Variants in PLA2R1 observed in about 807,000 individuals in gnomAD.
The protein encoded by PLA2R1 is secretory phospholipase A2 receptor.
Under a neutral mutation model 195.9 loss-of-function variants are expected in PLA2R1, and 158 were observed. The ratio of observed to expected loss-of-function variants is 0.81; its 90% CI spans 0.71 to 0.92. The LOEUF (loss-of-function observed/expected upper bound fraction) is 0.92, where lower values mean the gene tolerates loss of function less well. Ranked by LOEUF, PLA2R1 falls within the 40% of genes least tolerant of loss-of-function variation. The probability of loss-of-function intolerance (pLI) is 0.00; values close to 1 mark genes in which losing one functional copy is unlikely to be tolerated. For missense variants in PLA2R1, 1,626 were observed against 1,764.6 expected (o/e 0.92, Z 1.41); for synonymous variants, 586 against 598.2 (o/e 0.98, Z 0.30).
chr2:160,012,255 G>T (rs1249893011), intron 10 of PLA2R1, among the ~76,000 whole-genome samples: 4 of 152,174 alleles, frequency 2.6e-5, no homozygotes, highest in Non-Finnish European at 5.9e-5. Context: ...GTAGTTTCCT[G>T]TGGCACCACT....
intron 3 of PLA2R1, among the ~76,000 whole-genome samples, chr2:160,038,329 T>C (rs1466160638): frequency 6.6e-6 from 1 of 152,200 alleles, no homozygotes; most frequent in Non-Finnish European, 1.5e-5. Context: ...AAAACACAGA[T>C]TGCTGGGCTG....
intron 10 of PLA2R1, 39 bp downstream of exon 10, chr2:160,013,223 TG>T: frequency 1.0e-6 from 1 of 993,654 alleles, no homozygotes; most frequent in Admixed American, 1.7e-5. Context: ...AGTCCTCATG[TG>T]AAAGCCGTCT....
At chr2:160,020,691 T>C (rs542430888) in intron 7 of PLA2R1, among the ~76,000 whole-genome samples, 189 of 152,204 alleles carry the variant, frequency 1.2e-3, no homozygotes, top group Non-Finnish European at 2.3e-3. Flanking sequence ...ACCATGGGAC[T>C]CTGCAGAGAA....
intron 11 of PLA2R1, among the ~76,000 whole-genome samples, chr2:159,994,956 G>A (rs1691109224): frequency 6.6e-6 from 1 of 152,016 alleles, no homozygotes. Context: ...TGTGGGGTGG[G>A]TGAATATTTT....
intron 8 of PLA2R1, among the ~76,000 whole-genome samples, chr2:160,019,469 T>C (rs1490732278): frequency 6.6e-6 from 1 of 152,234 alleles, no homozygotes; most frequent in Non-Finnish European, 1.5e-5. Context: ...CCACTTCTCT[T>C]CACAGTCACT....
At chr2:159,981,216 CGTGT>C (rs3061613) in intron 13 of PLA2R1, among the ~76,000 whole-genome samples, 10,026 of 148,008 alleles carry the variant, frequency 0.068, 359 homozygotes, top group Non-Finnish European at 0.091. Context: ...TATGTGCATA[CGTGT>C]GTGTGTGTGT....
intron 13 of PLA2R1, among the ~76,000 whole-genome samples, chr2:159,980,712 G>A (rs190162523): frequency 2.0e-5 from 3 of 152,136 alleles, no homozygotes; most frequent in East Asian, 3.9e-4. Flanking sequence ...TCAATAAATC[G>A]AGTAATAAAG....
downstream of PLA2R1, among the ~76,000 whole-genome samples, chr2:159,929,441 C>T (rs1170676239): frequency 6.6e-6 from 1 of 152,030 alleles, no homozygotes; most frequent in Non-Finnish European, 1.5e-5. Context: ...AAATTGAAAC[C>T]ATAATGTGAT....
chr2:160,016,859 G>T, intron 8 of PLA2R1, 147 bp from the exon 9 acceptor site: 1 of 602,710 alleles, frequency 1.7e-6, no homozygotes, highest in South Asian at 2.0e-5. Flanking sequence ...CACGGAAAGG[G>T]TTGACACTTT....
At chr2:159,975,471 T>C (rs1574710921) in intron 17 of PLA2R1, among the ~76,000 whole-genome samples, 1 of 152,158 alleles carries the variant, frequency 6.6e-6, no homozygotes, top group East Asian at 1.9e-4. Context: ...TAAGTTGAAA[T>C]AGAAAACTAC....
Position 159,949,796 on chromosome 2 carries a change from C to G in PLA2R1, c.3541-20G>C. The G allele has an allele frequency of 6.2e-7, 1 of 1,605,494 alleles. No individual in the cohort carries two copies. Among genetic ancestry groups the G allele is most frequent in the Non-Finnish European group, 8.5e-7 (1 of 1,172,832 alleles). On this transcript the variant is annotated intron_variant, in intron 24 of 29. Coordinates refer to ENST00000283243, the MANE Select transcript of PLA2R1 (RefSeq NM_007366.5). ...ACCATTCTGTGGAGGAAAACTGAGCCATCATTTCCTTGCCACGACGGCTGG... is the reference window on the plus strand; with the variant it reads ...ACCATTCTGTGGAGGAAAACTGAGCGATCATTTCCTTGCCACGACGGCTGG...
At chr2:160,038,096 A>G (rs543319671) in intron 3 of PLA2R1, among the ~76,000 whole-genome samples, 1 of 152,366 alleles carries the variant, frequency 6.6e-6, no homozygotes, top group Admixed American at 6.5e-5. Context: ...GTAGAAGTCA[A>G]GAGGAGACAG....
At chr2:160,013,516 T>C in intron 9 of PLA2R1, 141 bp from the exon 10 acceptor site, 1 of 476,510 alleles carries the variant, frequency 2.1e-6, no homozygotes, top group Non-Finnish European at 3.7e-6. Flanking sequence ...TCTTGATATT[T>C]TTATATTTAT....
chr2:160,005,319 C>T (rs971274433), intron 11 of PLA2R1, among the ~76,000 whole-genome samples: 1 of 152,086 alleles, frequency 6.6e-6, no homozygotes, highest in Non-Finnish European at 1.5e-5. Context: ...CCTGTGGTCC[C>T]AGCTACTGGG....
chr2:159,931,642 C>A (rs1421889665), downstream of PLA2R1, among the ~76,000 whole-genome samples: 1 of 152,186 alleles, frequency 6.6e-6, no homozygotes, highest in Non-Finnish European at 1.5e-5. Flanking sequence ...CAATCTCAAT[C>A]TCCCCCGGCT....
At chr2:160,042,226 A>G (rs776367782) in intron 2 of PLA2R1, 28 bp from the exon 3 acceptor site, 1 of 1,593,514 alleles carries the variant, frequency 6.3e-7, no homozygotes. Flanking sequence ...ACAAAGTCAG[A>G]TAAGTATGAT....
intron 28 of PLA2R1, among the ~76,000 whole-genome samples, chr2:159,943,190 G>A (rs1246084326): frequency 2.6e-5 from 4 of 151,872 alleles, no homozygotes; most frequent in Admixed American, 6.6e-5. Flanking sequence ...GGCTGGTCTC[G>A]AACTCCTGAC....
At chr2:159,960,980 T>C (rs1438533730) in intron 20 of PLA2R1, among the ~76,000 whole-genome samples, 2 of 152,328 alleles carry the variant, frequency 1.3e-5, no homozygotes, top group East Asian at 1.9e-4. Context: ...TTTCCTTCTG[T>C]AGCTTTATTT....
At chr2:160,044,230 GCACACACCAAATAACC>G (rs1213288856) in intron 2 of PLA2R1, among the ~76,000 whole-genome samples, 2 of 151,902 alleles carry the variant, frequency 1.3e-5, no homozygotes, top group Non-Finnish European at 2.9e-5. Flanking sequence ...ACCATGCTTG[GCACACACCAAATAACC>G]CCCGACAATA....
Sources: gnomAD v4.1 joint callset for allele counts (sites outside exome capture counted in the v4.1 genomes callset) on GRCh38, gnomAD v4.1.1 for gene constraint, MANE v1.5 for transcripts, NCBI Gene and HGNC (gene_info 2026-07-23, HGNC 2026-07-21) for gene names.